Variants in SETD5 observed in about 807,000 individuals in gnomAD.
The protein encoded by SETD5 is SET domain containing 5, also known as histone-lysine N-methyltransferase SETD5.
In SETD5, 44 loss-of-function variants were observed where a neutral mutation model predicts 153.3. That is an observed-to-expected ratio of 0.29 (90% CI 0.23 to 0.37). The LOEUF is 0.37. Among genes scored for constraint, SETD5 ranks in the 10% least tolerant of loss-of-function variants. The pLI, the probability that SETD5 is intolerant of heterozygous loss-of-function variation, is 1.00. For missense variants in SETD5, 1,544 were observed against 1,768.0 expected (o/e 0.87, Z 2.27); for synonymous variants, 716 against 645.2 (o/e 1.11, Z -1.66).
intron 17 of SETD5, among the ~76,000 whole-genome samples, chr3:9,456,851 C>CT (rs1437486267): frequency 6.6e-6 from 1 of 151,980 alleles, no homozygotes; most frequent in East Asian, 1.9e-4. Flanking sequence ...TGGCATGCAC[C>CT]TGTAGTCCCA....
intron 2 of SETD5, among the ~76,000 whole-genome samples, chr3:9,425,061 T>G (rs1032897603): frequency 6.9e-6 from 1 of 143,958 alleles, no homozygotes; most frequent in Non-Finnish European, 1.5e-5. Context: ...GTTTCTTTTT[T>G]TTTTTTTTTT....
chr3:9,453,659 C>G lies in SETD5; in HGVS notation c.2347-80C>G, dbSNP rs540392542. ...TAGTGTGTTGAATTGTATCACTCAC[C>G]AGTTGATGTACATTTAAAACAGGTG... On this transcript the variant is annotated intron_variant, in intron 16 of 22. Transcript: ENST00000402198. 13 of 1,336,882 alleles carry G rather than the reference C, an allele frequency of 9.7e-6. No individual in the cohort carries two copies. The East Asian group carries it at 3.2e-4, about 32-fold the overall frequency. The allele number at this position is 1,336,882 out of a possible 1,614,324, so 82.8% of individuals were successfully genotyped here. A position where few individuals can be genotyped will look rare whatever the true frequency, so the allele number is the denominator to read the frequency against.
At chr3:9,445,353 G>C (rs773357695) in intron 12 of SETD5, 53 bp downstream of exon 12, 14 of 1,567,566 alleles carry the variant, frequency 8.9e-6, no homozygotes, top group Non-Finnish European at 1.0e-5. Context: ...TCCAAAGGAA[G>C]AGGAACCCGG....
chr3:9,473,496 T>C lies in SETD5; in HGVS notation c.3456T>C (p.Ser1152=), dbSNP rs1294967299. 2.5e-6 allele frequency: 4 copies of C among 1,613,826 alleles called. No individual in the cohort carries two copies. The highest frequency in any genetic ancestry group is 3.4e-6 in the Non-Finnish European group (4 of 1,179,822). The change falls in exon 20 of 23, where the codon TCT becomes TCC. Residue 1152 remains serine (S), a synonymous_variant. Coordinates refer to ENST00000402198, the MANE Select transcript of SETD5 (RefSeq NM_001080517.3). ...AVSPSDSRGT[S]SSHCRPQENI... ...GCCCATCAGATTCCAGAGGCACTTC[T>C]TCATCTCACTGCAGACCTCAAGAGA...
intron 1 of SETD5, among the ~76,000 whole-genome samples, chr3:9,398,818 G>A (rs2034224305): frequency 6.6e-6 from 1 of 152,328 alleles, no homozygotes; most frequent in Non-Finnish European, 1.5e-5. Flanking sequence ...TGTTGGGAAA[G>A]CCCCTTCTAT....
At chr3:9,402,006 C>T (rs2034857962) in intron 1 of SETD5, among the ~76,000 whole-genome samples, 1 of 152,136 alleles carries the variant, frequency 6.6e-6, no homozygotes, top group African/African-American at 2.4e-5. Context: ...GGATTGGTAC[C>T]ATTCCTTACT....
intron 8 of SETD5, among the ~76,000 whole-genome samples, chr3:9,441,133 A>G (rs2041227954): frequency 6.6e-6 from 1 of 152,136 alleles, no homozygotes; most frequent in Admixed American, 6.5e-5. Flanking sequence ...GGATCACTTG[A>G]ATGAATTTGA....
intron 16 of SETD5, among the ~76,000 whole-genome samples, chr3:9,449,083 T>C (rs2042338588): frequency 6.6e-6 from 1 of 152,252 alleles, no homozygotes; most frequent in Non-Finnish European, 1.5e-5. Flanking sequence ...TATTATCCAC[T>C]ATCATCACTT....
chr3:9,433,612 T>C (rs2040220019), intron 3 of SETD5: 2 of 1,123,338 alleles, frequency 1.8e-6, no homozygotes, highest in South Asian at 2.9e-5. Flanking sequence ...GGTGCCTGCC[T>C]TCAGACATCT....
chr3:9,440,752 G>A (rs2041168590), intron 8 of SETD5, 54 bp downstream of exon 8: 2 of 1,565,346 alleles, frequency 1.3e-6, no homozygotes, highest in Non-Finnish European at 1.7e-6. Context: ...TAAGAACCCA[G>A]GAAGAGGGTA....
intron 22 of SETD5, 138 bp from the exon 23 acceptor site, chr3:9,475,345 A>G (rs1324275199): frequency 5.4e-6 from 7 of 1,306,676 alleles, no homozygotes; most frequent in African/African-American, 1.5e-5. Context: ...AAAGACAGAC[A>G]TTTTACTGCC....
chr3:9,434,031 A>G lies in SETD5; in HGVS notation c.177+81A>G. The G allele has an allele frequency of 6.2e-7, 1 of 1,612,180 alleles. No individual in the cohort carries two copies. The highest frequency in any genetic ancestry group is 1.7e-5 in the Admixed American group (1 of 59,982). The stretch of plus-strand genomic sequence containing the variant: ...TCTTATACATTGTGACTTTCTTGAA[A>G]TGTTTATATGCAGCATGACGAAGTT... On this transcript the variant is annotated intron_variant, in intron 4 of 22. Transcript: ENST00000402198. The surrounding 1 kb of genome is among the most constrained non-coding windows in gnomAD (Gnocchi z 5.6).
chr3:9,417,178 G>C (rs113862276), intron 1 of SETD5, among the ~76,000 whole-genome samples: 1 of 152,086 alleles, frequency 6.6e-6, no homozygotes, highest in Admixed American at 6.6e-5. Context: ...AGAGTAGATT[G>C]GAGGGTTCAC....
chr3:9,447,287 C>G lies in SETD5; in HGVS notation c.1762C>G (p.Arg588Gly). The G allele has an allele frequency of 1.2e-6, 2 of 1,613,230 alleles. No individual in the cohort carries two copies. The highest frequency in any genetic ancestry group is 2.2e-5 in the East Asian group (1 of 44,878). ...STPQSVGVNT[R>G]RSSQAGDIAA... ...CCCACAGAGTGTTGGTGTGAATACC[C>G]GGAGGTCTTCCCAAGCAGGGGTAAG... The change falls in exon 14 of 23, where the codon CGG becomes GGG. Residue 588 changes from arginine (R) to glycine (G), a missense_variant. By Grantham distance (125) the Arg-to-Gly change is moderately radical (BLOSUM62 -2). Around this residue, in one of 9 missense-constraint regions of SETD5, gnomAD observed 782 missense variants for 787.2 expected, o/e 0.99. Coordinates refer to ENST00000402198, the MANE Select transcript of SETD5 (RefSeq NM_001080517.3).
chr3:9,430,687 C>T, intron 3 of SETD5: 4 of 357,816 alleles, frequency 1.1e-5, no homozygotes, highest in Non-Finnish European at 1.6e-5. Flanking sequence ...AGAGGTTAAA[C>T]CAATACGTTT....
At chr3:9,426,902 AC>A (rs1217459978) in intron 2 of SETD5, among the ~76,000 whole-genome samples, 1 of 151,838 alleles carries the variant, frequency 6.6e-6, no homozygotes, top group Non-Finnish European at 1.5e-5. Context: ...GTATTGTCAT[AC>A]CCAGAGGTCT....
chr3:9,431,461 A>C (rs1179419207), intron 3 of SETD5: 3 of 950,998 alleles, frequency 3.2e-6, no homozygotes, highest in Non-Finnish European at 2.5e-6. Context: ...ATATTTTAAA[A>C]TATAAAAACT....
At chr3:9,444,997 C>G in intron 11 of SETD5, 51 bp from the exon 12 acceptor site, 1 of 1,580,764 alleles carries the variant, frequency 6.3e-7, no homozygotes, top group Non-Finnish European at 8.6e-7. Context: ...GATAATGTAA[C>G]TGAATTTCAA....
At chr3:9,448,262 T>C in intron 15 of SETD5, 126 bp from the exon 16 acceptor site, 3 of 1,394,706 alleles carry the variant, frequency 2.2e-6, no homozygotes, top group Non-Finnish European at 1.9e-6. Flanking sequence ...TGTGTTCTAG[T>C]TGCTCAATTC....
Sources: gnomAD v4.1 joint callset for allele counts (sites outside exome capture counted in the v4.1 genomes callset) on GRCh38, gnomAD v4.1.1 for gene constraint, gnomAD v4.1.1 regional missense constraint, Gnocchi (gnomAD v3.1) non-coding constraint, MANE v1.5 for transcripts, NCBI Gene and HGNC (gene_info 2026-07-23, HGNC 2026-07-21) for gene names.